ATRX: variants seen among roughly 807,000 people sequenced by gnomAD.
ATRX encodes ATRX chromatin remodeler.
A neutral mutation model predicts 172.6 loss-of-function variants in ATRX; 12 were observed. That is an observed-to-expected ratio of 0.07 (90% CI 0.04 to 0.11). ATRX has a LOEUF of 0.11. ATRX is among the 10% of genes least tolerant of loss of function. The probability of loss-of-function intolerance (pLI) is 1.00; values close to 1 mark genes in which losing one functional copy is unlikely to be tolerated. For missense variants in ATRX, 1,368 were observed against 1,767.4 expected (o/e 0.77, Z 4.05); for synonymous variants, 674 against 594.7 (o/e 1.13, Z -1.94).
intron 1 of ATRX, among the ~76,000 whole-genome samples, chrX:77,766,781 C>A (rs369156979): frequency 9.1e-6 from 1 of 109,503 alleles, no homozygotes; most frequent in African/African-American, 3.3e-5. Flanking sequence ...AGACGATGGG[C>A]GGCCAGGCAG....
rs45502598 is a variant in ATRX, at chrX:77,560,982, G to A, written c.6327-2136C>T. 8.6e-4 allele frequency among the ~76,000 whole-genome samples: 95 copies of A among 110,575 alleles called. No individual in the cohort carries two copies. In the East Asian group the frequency reaches 0.024, roughly 28 times the overall value. ...AAAAATCCAAAATACTATGTTATGC[G>A]GAAGAAAAGCAGAATATAGAGCCTT... On this transcript the variant is annotated intron_variant, in intron 28 of 34. Transcript: ENST00000373344.
chrX:77,593,903 G>A lies in ATRX; in HGVS notation c.5957-54C>T, dbSNP rs3027545. The A allele has an allele frequency of 2.2e-3, 2,393 of 1,111,716 alleles. 63 individuals carry two copies. The Admixed American group carries it at 0.05, about 23-fold the overall frequency. The allele number at this position is 1,111,716 out of a possible 1,213,427, so 91.6% of individuals were successfully genotyped here. On this transcript the variant is annotated intron_variant, in intron 25 of 34. Transcript: ENST00000373344. Reference sequence around the variant, plus strand: ...GTAAATTAGAAAAGAAATGGAAAGAGAGCAAGAGAGACAGAAAAAGACCTA... The same window carrying A: ...GTAAATTAGAAAAGAAATGGAAAGAAAGCAAGAGAGACAGAAAAAGACCTA...
intron 28 of ATRX, among the ~76,000 whole-genome samples, chrX:77,567,845 A>G (rs782554592): frequency 9.0e-6 from 1 of 111,586 alleles, no homozygotes; most frequent in South Asian, 3.7e-4. Flanking sequence ...CATACAGATT[A>G]TATTTCCTGA....
chrX:77,518,107 A>G (rs1354677178), intron 34 of ATRX, among the ~76,000 whole-genome samples: 2 of 112,304 alleles, frequency 1.8e-5, no homozygotes, highest in African/African-American at 6.5e-5. Flanking sequence ...TAAAAATTGG[A>G]ACACAACAAG....
intron 1 of ATRX, among the ~76,000 whole-genome samples, chrX:77,738,187 T>C (rs1365528474): frequency 2.8e-5 from 3 of 108,098 alleles, no homozygotes; most frequent in African/African-American, 1.0e-4. Flanking sequence ...TTTTTTAAAT[T>C]AGCCGGCTGT....
chrX:77,509,157 C>T (rs898549524), intron 34 of ATRX, among the ~76,000 whole-genome samples: 1 of 111,622 alleles, frequency 9.0e-6, no homozygotes, highest in Non-Finnish European at 1.9e-5. Context: ...TAGAAATTTC[C>T]AAGTATAAGG....
intron 7 of ATRX, among the ~76,000 whole-genome samples, chrX:77,685,713 G>T (rs1292253352): frequency 1.8e-5 from 2 of 111,822 alleles, no homozygotes; most frequent in Non-Finnish European, 3.8e-5. Context: ...GAAAGGAAAT[G>T]AGTATATCAA....
At chrX:77,693,600 C>T (rs1424494911) in intron 6 of ATRX, among the ~76,000 whole-genome samples, 1 of 111,908 alleles carries the variant, frequency 8.9e-6, no homozygotes, top group African/African-American at 3.2e-5. Flanking sequence ...AAATGCTACG[C>T]TTCTTGAGAT....
chrX:77,717,036 G>A (rs2073471053), intron 2 of ATRX, 95 bp downstream of exon 2: 1 of 731,587 alleles, frequency 1.4e-6, no homozygotes, highest in South Asian at 2.4e-5. Flanking sequence ...TCTTTTAAAA[G>A]CTGCTCTCTG....
At position 77,637,302 on chromosome X, in the gene ATRX, G is replaced by A. The variant is rs782746541; in HGVS notation, c.4558-1246C>T. On this transcript the variant is annotated intron_variant, in intron 15 of 34. Coordinates refer to ENST00000373344, the MANE Select transcript of ATRX (RefSeq NM_000489.6). ...GCTCCTTATTTAGAATAAAACTTAA[G>A]TAGATATAATATATGCACACAGGTA... Among the ~76,000 whole-genome samples, 16 of 112,059 alleles carry A rather than the reference G, an allele frequency of 1.4e-4. 1 individual carries two copies. In the South Asian group the frequency reaches 6.0e-3, roughly 42 times the overall value.
chrX:77,698,945 A>C (rs2072344472), intron 2 of ATRX: 1 of 311,074 alleles, frequency 3.2e-6, no homozygotes, highest in African/African-American at 2.7e-5. Flanking sequence ...CTAAAAATAA[A>C]AAACATACTA....
intron 34 of ATRX, among the ~76,000 whole-genome samples, chrX:77,514,307 C>T (rs782187568): frequency 8.9e-6 from 1 of 112,048 alleles, no homozygotes; most frequent in Non-Finnish European, 1.9e-5. Context: ...CCAAGGCAAT[C>T]GTAAGCAAAA....
chrX:77,554,785 C>G (rs782738938), intron 30 of ATRX, among the ~76,000 whole-genome samples: 1 of 112,067 alleles, frequency 8.9e-6, no homozygotes, highest in Non-Finnish European at 1.9e-5. Context: ...GTCACATCAG[C>G]ACTTCATTCT....
At chrX:77,716,397 T>C (rs1197369273) in intron 2 of ATRX, among the ~76,000 whole-genome samples, 2 of 101,031 alleles carry the variant, frequency 2.0e-5, no homozygotes, top group African/African-American at 7.2e-5. Flanking sequence ...TGTTAAGTGG[T>C]TTTATTTTAA....
intron 26 of ATRX, 63 bp downstream of exon 26, chrX:77,593,633 G>T: frequency 9.4e-7 from 1 of 1,067,941 alleles, no homozygotes; most frequent in Non-Finnish European, 1.3e-6. Flanking sequence ...CAAATACATT[G>T]TTTAAGCAAT....
At chrX:77,563,702 C>CGT (rs201190876) in intron 28 of ATRX, among the ~76,000 whole-genome samples, 2,372 of 95,412 alleles carry the variant, frequency 0.025, 52 homozygotes, top group African/African-American at 0.058. Context: ...TGTGTACATG[C>CGT]GTGTGTGTGT....
chrX:77,611,769 A>G (rs782699065), intron 22 of ATRX, among the ~76,000 whole-genome samples: 2 of 111,480 alleles, frequency 1.8e-5, no homozygotes, highest in Non-Finnish European at 3.8e-5. Flanking sequence ...GAGAATTTTG[A>G]ATGTTCTCAC....
chrX:77,685,179 T>C lies in ATRX; in HGVS notation c.595-173A>G, dbSNP rs1047296117. ...CAAGCTCAGGCAACCAAAGCAAAAA[T>C]TGGCAAATGAGATCACATCAAGTTA... On this transcript the variant is annotated intron_variant, in intron 7 of 34. Transcript: ENST00000373344. Among the ~76,000 whole-genome samples the C allele has an allele frequency of 3.1e-4, 35 of 111,622 alleles. 1 individual carries two copies. The highest frequency in any genetic ancestry group is 1.1e-3 in the African/African-American group (33 of 30,758).
chrX:77,562,555 C>G (rs1347089742), intron 28 of ATRX, among the ~76,000 whole-genome samples: 3 of 111,166 alleles, frequency 2.7e-5, no homozygotes, highest in African/African-American at 9.8e-5. Context: ...CATTTTCTTT[C>G]TTTTTTAGAG....
Sources: allele counts gnomAD v4.1 joint callset (sites outside exome capture counted in the v4.1 genomes callset), GRCh38; gene constraint gnomAD v4.1.1; transcripts MANE v1.5; gene names NCBI Gene and HGNC (gene_info 2026-07-23, HGNC 2026-07-21).